The following GALNT17 variants were observed in gnomAD, a reference collection of about 807,000 sequenced individuals.
The protein encoded by GALNT17 is UDP-GalNAc:polypeptide N-acetylgalactosaminyltransferase-like 3.
Under a neutral mutation model 63.7 loss-of-function variants are expected in GALNT17, and 29 were observed. The observed-to-expected ratio is 0.46, with a 90% CI of 0.34 to 0.62. The LOEUF (loss-of-function observed/expected upper bound fraction) is 0.62. Ranked by LOEUF, GALNT17 falls within the 20% of genes least tolerant of loss-of-function variation. The pLI, the probability that GALNT17 is intolerant of heterozygous loss-of-function variation, is 0.01. For synonymous variants in GALNT17, 305 were observed against 318.3 expected, an observed-to-expected ratio of 0.96 and a Z score of 0.45; for missense variants, 603 against 799.6, an observed-to-expected ratio of 0.75 and a Z score of 2.97.
chr7:71,168,993 CT>C (rs1256656286), intron 1 of GALNT17, among the ~76,000 whole-genome samples: 6 of 152,126 alleles, frequency 3.9e-5, no homozygotes, highest in Non-Finnish European at 7.4e-5. Context: ...GTCCCTGGCC[CT>C]GTGAGAGTCC....
rs978848760 is a variant in GALNT17, at chr7:71,372,175, TTGAGA to T, written c.423-16057_423-16053del. ...ATATTCTTTTCTATTTTTTTATTTT[TTGAGA>T]TGGAGTCTCGCTCTGTTGCCCAGGC... On this transcript the variant is annotated intron_variant, in intron 2 of 10. Coordinates refer to ENST00000333538, the MANE Select transcript of GALNT17 (RefSeq NM_022479.3). Among the ~76,000 whole-genome samples the T allele has an allele frequency of 1.8e-4, 27 of 152,294 alleles. No individual in the cohort carries two copies. The East Asian group carries it at 5.0e-3, about 28-fold the overall frequency.
At chr7:71,629,953 A>G (rs1350385193) in intron 6 of GALNT17, among the ~76,000 whole-genome samples, 1 of 150,244 alleles carries the variant, frequency 6.7e-6, no homozygotes, top group East Asian at 1.9e-4. Context: ...CCTCCCAAAC[A>G]GTTGAGCTGA....
intron 1 of GALNT17, among the ~76,000 whole-genome samples, chr7:71,328,940 G>T (rs770464825): frequency 6.6e-5 from 10 of 152,066 alleles, no homozygotes; most frequent in Non-Finnish European, 1.0e-4. Flanking sequence ...TCTCCTTCTG[G>T]CCCCTCTGAC....
chr7:71,157,649 C>A (rs1788261505), intron 1 of GALNT17, among the ~76,000 whole-genome samples: 1 of 143,454 alleles, frequency 7.0e-6, no homozygotes, highest in East Asian at 1.9e-4. Flanking sequence ...CGGAGTGAGA[C>A]TCCATCTCAG....
chr7:71,175,086 A>G (rs1330308348), intron 1 of GALNT17, among the ~76,000 whole-genome samples: 2 of 152,178 alleles, frequency 1.3e-5, no homozygotes, highest in African/African-American at 4.8e-5. Context: ...ATATCTATCT[A>G]TCTATCCATC....
chr7:71,409,958 G>A (rs1001753673), intron 3 of GALNT17, among the ~76,000 whole-genome samples: 1 of 152,196 alleles, frequency 6.6e-6, no homozygotes, highest in Non-Finnish European at 1.5e-5. Context: ...GCGTTCTTTG[G>A]TGAGTCAGCT....
intron 6 of GALNT17, among the ~76,000 whole-genome samples, chr7:71,661,508 G>C (rs1387074646): frequency 6.6e-6 from 1 of 152,164 alleles, no homozygotes; most frequent in Non-Finnish European, 1.5e-5. Flanking sequence ...TCACACAAGA[G>C]GTGCCGCTAA....
At chr7:71,364,686 C>G (rs1022824417) in intron 2 of GALNT17, among the ~76,000 whole-genome samples, 2 of 152,078 alleles carry the variant, frequency 1.3e-5, no homozygotes, top group African/African-American at 4.8e-5. Flanking sequence ...GGAGGTATGT[C>G]AGGACACTCA....
intron 6 of GALNT17, among the ~76,000 whole-genome samples, chr7:71,622,535 A>G (rs1790311370): frequency 6.6e-6 from 1 of 152,066 alleles, no homozygotes; most frequent in Admixed American, 6.6e-5. Flanking sequence ...TCTTGAATGC[A>G]TCAACTGTCT....
intron 2 of GALNT17, among the ~76,000 whole-genome samples, chr7:71,366,318 G>T (rs920429666): frequency 3.1e-4 from 47 of 152,190 alleles, no homozygotes; most frequent in African/African-American, 1.1e-3. Context: ...GGGCACGGTG[G>T]CTCACACCTG....
intron 1 of GALNT17, among the ~76,000 whole-genome samples, chr7:71,294,234 T>G (rs1791036625): frequency 6.6e-6 from 1 of 152,124 alleles, no homozygotes; most frequent in Non-Finnish European, 1.5e-5. Flanking sequence ...CCACTTTATA[T>G]TCAATATATT....
At chr7:71,590,160 T>G (rs1438967367) in intron 6 of GALNT17, among the ~76,000 whole-genome samples, 1 of 152,226 alleles carries the variant, frequency 6.6e-6, no homozygotes. Flanking sequence ...TATATTTATG[T>G]CGAAGTTATA....
intron 5 of GALNT17, among the ~76,000 whole-genome samples, chr7:71,432,006 C>G (rs1786875589): frequency 6.6e-6 from 1 of 152,106 alleles, no homozygotes; most frequent in Admixed American, 6.6e-5. Flanking sequence ...GAAACTGTGT[C>G]TCTACTAAAA....
intron 5 of GALNT17, among the ~76,000 whole-genome samples, chr7:71,456,245 CA>C (rs1031269100): frequency 8.9e-5 from 13 of 146,866 alleles, no homozygotes; most frequent in South Asian, 2.2e-4. Context: ...AACTCCATCT[CA>C]AAAAAAAAAG....
chr7:71,608,018 T>C (rs1790071621), intron 6 of GALNT17, among the ~76,000 whole-genome samples: 1 of 152,208 alleles, frequency 6.6e-6, no homozygotes, highest in Non-Finnish European at 1.5e-5. Context: ...AGCAGTTTCC[T>C]TCCAGGTGGT....
intron 5 of GALNT17, among the ~76,000 whole-genome samples, chr7:71,494,146 A>T (rs1464711808): frequency 6.6e-6 from 1 of 151,906 alleles, no homozygotes; most frequent in Non-Finnish European, 1.5e-5. Flanking sequence ...CAAACTTGGG[A>T]CTTCTCAGAT....
At chr7:71,205,152 CTTTTTTT>C (rs759200277) in intron 1 of GALNT17, among the ~76,000 whole-genome samples, 21 of 115,010 alleles carry the variant, frequency 1.8e-4, no homozygotes, top group Non-Finnish European at 3.4e-4. Flanking sequence ...TTACTTTTTA[CTTTTTTT>C]TTTTTTTTTT....
At chr7:71,459,217 A>T (rs114506561) in intron 5 of GALNT17, among the ~76,000 whole-genome samples, 1 of 152,158 alleles carries the variant, frequency 6.6e-6, no homozygotes, top group South Asian at 2.1e-4. Context: ...GGGCTACCAC[A>T]TGGGCAGATA....
chr7:71,421,176 G>T, intron 5 of GALNT17, 71 bp downstream of exon 5: 1 of 1,544,484 alleles, frequency 6.5e-7, no homozygotes, highest in African/African-American at 1.4e-5. Context: ...TACTGAGAGA[G>T]GCCAGGAAAG....
Sources: gnomAD v4.1 joint callset for allele counts (sites outside exome capture counted in the v4.1 genomes callset) on GRCh38, gnomAD v4.1.1 for gene constraint, MANE v1.5 for transcripts, NCBI Gene and HGNC (gene_info 2026-07-23, HGNC 2026-07-21) for gene names.